Variants in PRRC2B observed in about 807,000 individuals in gnomAD.
PRRC2B encodes the protein proline rich coiled-coil 2B.
PRRC2B carries 68 observed loss-of-function variants against 242.3 expected under a neutral mutation model. The ratio of observed to expected loss-of-function variants is 0.28; its 90% CI spans 0.23 to 0.34. The LOEUF is 0.34. Ranked by LOEUF, PRRC2B falls within the 10% of genes least tolerant of loss-of-function variation. PRRC2B has a pLI of 1.00. For synonymous variants in PRRC2B, 1,228 were observed against 1,173.6 expected, an observed-to-expected ratio of 1.05 and a Z score of -0.95; for missense variants, 2,835 against 2,954.8, an observed-to-expected ratio of 0.96 and a Z score of 0.94.
rs7357766 is a variant in PRRC2B at position 131,459,346 on chromosome 9, C to T, written c.1394C>T (p.Pro465Leu). 1 of 1,612,962 alleles carries T rather than the reference C, an allele frequency of 6.2e-7. No homozygotes were observed. Among genetic ancestry groups the T allele is most frequent in the Non-Finnish European group, 8.5e-7 (1 of 1,179,400 alleles). ...PRKLHGWAPG[P>L]DYQKSSMGSM... ...AAGCTTCATGGCTGGGCACCAGGCCCTGACTACCAGGTACCAAGGGCCCTT... is the reference window on the plus strand; with the variant it reads ...AAGCTTCATGGCTGGGCACCAGGCCTTGACTACCAGGTACCAAGGGCCCTT... Residue 465 changes from proline (P) to leucine (L), a missense_variant, in exon 11 of 32, where the codon CCT becomes CTT. By Grantham distance (98) the Pro-to-Leu change is moderately conservative. This residue lies in a region of PRRC2B where 626 missense variants were observed against 685.5 expected (regional missense o/e 0.91). Transcript: ENST00000683519.
At chr9:131,409,312 G>A (rs745705467) in intron 1 of PRRC2B, among the ~76,000 whole-genome samples, 6 of 152,130 alleles carry the variant, frequency 3.9e-5, no homozygotes, top group Non-Finnish European at 8.8e-5. Context: ...GTGAGCCACC[G>A]CACCTTACAG....
At chr9:131,383,900 C>T (rs1421878154) in intron 1 of PRRC2B, among the ~76,000 whole-genome samples, 6 of 151,588 alleles carry the variant, frequency 4.0e-5, no homozygotes, top group Non-Finnish European at 8.8e-5. Flanking sequence ...GGATTACAGG[C>T]ATAAGTCACT....
At chr9:131,440,316 T>A (rs1376130857) in intron 5 of PRRC2B, among the ~76,000 whole-genome samples, 2 of 152,136 alleles carry the variant, frequency 1.3e-5, no homozygotes, top group Non-Finnish European at 2.9e-5. Flanking sequence ...TTTGTTTTGT[T>A]TTTGTTTTTT....
intron 1 of PRRC2B, among the ~76,000 whole-genome samples, chr9:131,412,253 C>T (rs145864159): frequency 6.6e-6 from 1 of 152,306 alleles, no homozygotes; most frequent in Non-Finnish European, 1.5e-5. Flanking sequence ...GGGTGGTCCT[C>T]TTGGCCCTTT....
intron 1 of PRRC2B, among the ~76,000 whole-genome samples, chr9:131,405,469 C>A (rs189983856): frequency 9.9e-4 from 150 of 152,238 alleles, no homozygotes; most frequent in Non-Finnish European, 1.5e-3. Flanking sequence ...TTGCTGTTGG[C>A]GCTTTTGCAG....
chr9:131,492,205 G>C lies in PRRC2B; in HGVS notation c.6418G>C (p.Asp2140His), dbSNP rs762525849. Residue 2140 changes from aspartate to histidine, a missense_variant, in exon 30 of 32, where the codon GAC becomes CAC. Asp to His is a moderately conservative substitution (Grantham distance 81). Coordinates refer to ENST00000683519, the MANE Select transcript of PRRC2B (RefSeq NM_013318.4). The stretch of plus-strand genomic sequence containing the variant: ...GGAGATGAAAGGCTTCCACTTTGCC[G>C]ACAGTAAACAGAATGTCCCTTCAGG... Reference protein sequence around the residue: ...QMEMKGFHFADSKQNVPSGGP... With the variant: ...QMEMKGFHFAHSKQNVPSGGP... The C allele has an allele frequency of 6.2e-7, 1 of 1,613,836 alleles. No homozygotes were observed. Among genetic ancestry groups the C allele is most frequent in the Admixed American group, 1.7e-5 (1 of 60,026 alleles).
At chr9:131,386,923 G>A (rs1425380678) in intron 1 of PRRC2B, among the ~76,000 whole-genome samples, 3 of 150,234 alleles carry the variant, frequency 2.0e-5, no homozygotes, top group Non-Finnish European at 3.0e-5. Flanking sequence ...GAGGAGCATG[G>A]AGAGCCGGTC....
chr9:131,459,105 G>A (rs544175456), intron 10 of PRRC2B, 59 bp from the exon 11 acceptor site: 3 of 1,498,468 alleles, frequency 2.0e-6, no homozygotes, highest in Admixed American at 3.5e-5. Context: ...TCTGACCAGT[G>A]AGATCAGAAA....
intron 1 of PRRC2B, among the ~76,000 whole-genome samples, chr9:131,408,679 T>C (rs1416827452): frequency 1.3e-5 from 2 of 152,184 alleles, no homozygotes; most frequent in East Asian, 1.9e-4. Flanking sequence ...TAACACTGTT[T>C]ACCTTTTGAG....
chr9:131,494,639 C>T lies in PRRC2B; in HGVS notation c.6555+153C>T, dbSNP rs1435074449. 6.6e-6 allele frequency among the ~76,000 whole-genome samples: 1 copy of T among 152,236 alleles called. No individual in the cohort carries two copies. Among genetic ancestry groups the T allele is most frequent in the Admixed American group, 6.5e-5 (1 of 15,284 alleles). On this transcript the variant is annotated intron_variant, in intron 31 of 31. Transcript: ENST00000683519. This position sits in a 1 kb window ranked among gnomAD's most constrained non-coding sequence, Gnocchi z 4.3. ...GAGCACAGAACCGGGAGCTGGGCCG[C>T]CCGCGTCCCTCCTGGCGAAGGCATT...
chr9:131,378,044 C>T (rs1376939475), intron 1 of PRRC2B, among the ~76,000 whole-genome samples: 1 of 152,182 alleles, frequency 6.6e-6, no homozygotes, highest in East Asian at 1.9e-4. Flanking sequence ...GGCATGGTGG[C>T]TTACGCTTGT....
chr9:131,478,631 AGGGTGGGGGGGCATG>A lies in PRRC2B; in HGVS notation c.4758+16_4758+30del. The A allele has an allele frequency of 5.0e-6, 1 of 200,902 alleles. No individual in the cohort carries two copies. Among genetic ancestry groups the A allele is most frequent in the Non-Finnish European group, 9.1e-6 (1 of 110,450 alleles). The allele number at this position is 200,902 out of a possible 1,614,324, so 12.4% of individuals were successfully genotyped here. ...AGCAGGCCGTGCAGGTGAGGGGCGG[AGGGTGGGGGGGCATG>A]GGGCTGGAGGGCAGGCTGGCAGATG... On this transcript the variant is annotated intron_variant, in intron 18 of 31. Transcript: ENST00000683519.
At chr9:131,384,017 C>T (rs1836796006) in intron 1 of PRRC2B, among the ~76,000 whole-genome samples, 1 of 151,088 alleles carries the variant, frequency 6.6e-6, no homozygotes, top group Admixed American at 6.6e-5. Flanking sequence ...CTCCTGGGTT[C>T]AGCTGATCTT....
chr9:131,495,779 G>C lies in PRRC2B; in HGVS notation c.6595G>C (p.Val2199Leu), dbSNP rs1351472297. 1 of 1,612,810 alleles carries C rather than the reference G, an allele frequency of 6.2e-7. No individual in the cohort carries two copies. Residue 2199 changes from valine to leucine, a missense_variant, in exon 32 of 32, where the codon GTG becomes CTG. Transcript: ENST00000683519. ...RVDEKPSLGA[V>L]KLQEAPSAAS... ...GGATGAGAAACCCAGCCTGGGAGCCGTGAAGCTGCAGGAGGCCCCCTCGGC... is the reference window on the plus strand; with the variant it reads ...GGATGAGAAACCCAGCCTGGGAGCCCTGAAGCTGCAGGAGGCCCCCTCGGC...
rs1458522372 is a variant in PRRC2B, at chr9:131,432,710, A to G, written c.209A>G (p.Asn70Ser). 2 of 1,614,052 alleles carry G rather than the reference A, an allele frequency of 1.2e-6. No homozygotes were observed. Among genetic ancestry groups the G allele is most frequent in the Non-Finnish European group, 1.7e-6 (2 of 1,179,894 alleles). Residue 70 changes from asparagine to serine, a missense_variant, in exon 3 of 32, where the codon AAC (asparagine) becomes AGC (serine). Asn to Ser is a conservative substitution (Grantham distance 46, BLOSUM62 1). Around this residue, in one of 7 missense-constraint regions of PRRC2B, gnomAD observed 626 missense variants for 685.5 expected, o/e 0.91. Transcript: ENST00000683519. ...PANLPSLKSE[N>S]KGNDPNIVIV... ...AACCTGCCAAGCTTGAAGTCTGAAAACAAAGGAAACGACCCCAACATCGTG... is the reference window on the plus strand; with the variant it reads ...AACCTGCCAAGCTTGAAGTCTGAAAGCAAAGGAAACGACCCCAACATCGTG...
rs1588287144 is a variant in PRRC2B at position 131,495,890 on chromosome 9, A to G, written c.*16A>G. On this transcript the variant is annotated 3_prime_UTR_variant, in exon 32 of 32. Coordinates refer to ENST00000683519, the MANE Select transcript of PRRC2B (RefSeq NM_013318.4). ...TAAGGCCTGACAGTGCCTGGCTGCC[A>G]CCTCGCCTCTCCCTACTGAGGACGG... The G allele has an allele frequency of 6.3e-7, 1 of 1,596,602 alleles. No individual in the cohort carries two copies. The highest frequency in any genetic ancestry group is 1.3e-5 in the African/African-American group (1 of 74,646).
intron 25 of PRRC2B, 30 bp from the exon 26 acceptor site, chr9:131,486,055 T>A (rs72772632): frequency 0.07 from 101,436 of 1,446,182 alleles, 4,022 homozygotes; most frequent in Non-Finnish European, 0.081. Context: ...TTGATCCTCT[T>A]CTACGTCCCT....
chr9:131,410,826 C>T (rs1384522593), intron 1 of PRRC2B, among the ~76,000 whole-genome samples: 1 of 152,064 alleles, frequency 6.6e-6, no homozygotes. Context: ...TCTCTTTAGG[C>T]TTTTTCTTCA....
At position 131,498,310 on chromosome 9, in the gene PRRC2B, A is replaced by G. The variant is rs1266464169; in HGVS notation, c.*2436A>G. 1 of 152,172 alleles carries G rather than the reference A, an allele frequency of 6.6e-6. No individual in the cohort carries two copies. Among genetic ancestry groups the G allele is most frequent in the African/African-American group, 2.4e-5 (1 of 41,444 alleles). The allele number at this position is 152,172 out of a possible 1,614,324, so 9.4% of individuals were successfully genotyped here. A position where few individuals can be genotyped will look rare whatever the true frequency, so the allele number is the denominator to read the frequency against. ...GTAAATGTTTCACTGCTCTATTTAT[A>G]TATAATGTCTGAATTAATTCTGTGC... On this transcript the variant is annotated 3_prime_UTR_variant, in exon 32 of 32. Transcript: ENST00000683519.
Sources: allele counts gnomAD v4.1 joint callset (sites outside exome capture counted in the v4.1 genomes callset), GRCh38; gene constraint gnomAD v4.1.1; regional missense constraint gnomAD v4.1.1; non-coding constraint Gnocchi (gnomAD v3.1); transcripts MANE v1.5; gene names NCBI Gene and HGNC (gene_info 2026-07-23, HGNC 2026-07-21).